Variants in SGK3 observed in about 807,000 individuals in gnomAD.
SGK3 encodes the protein serine/threonine-protein kinase Sgk3.
In SGK3, 47 loss-of-function variants were observed where a neutral mutation model predicts 68.5. The ratio of observed to expected loss-of-function variants is 0.69; its 90% CI spans 0.54 to 0.87. The LOEUF is 0.87. Ranked by LOEUF, SGK3 falls within the 40% of genes least tolerant of loss-of-function variation. The pLI is 0.00. For synonymous variants in SGK3, 181 were observed against 189.1 expected, an observed-to-expected ratio of 0.96 and a Z score of 0.35; for missense variants, 479 against 575.5, an observed-to-expected ratio of 0.83 and a Z score of 1.72.
chr8:66,738,863 C>T (rs1443659795), intron 1 of SGK3, among the ~76,000 whole-genome samples: 7 of 152,182 alleles, frequency 4.6e-5, no homozygotes, highest in Non-Finnish European at 1.0e-4. Flanking sequence ...ATCTTCTGGC[C>T]TCGTGATCTG....
Position 66,758,936 on chromosome 8 carries a change from C to T in SGK3, c.-121-34680C>T, listed in dbSNP as rs183776382. ...CAGCTTAAAGCAACAAAAATTTATTCTGTTACAGTTCTGGAGGCTGGAAAT... is the reference window on the plus strand; with the variant it reads ...CAGCTTAAAGCAACAAAAATTTATTTTGTTACAGTTCTGGAGGCTGGAAAT... On this transcript the variant is annotated intron_variant, in intron 1 of 16. Transcript: ENST00000521198. Among the ~76,000 whole-genome samples, 8 of 152,256 alleles carry T rather than the reference C, an allele frequency of 5.3e-5. No homozygotes were observed. The East Asian group carries it at 9.6e-4, about 18-fold the overall frequency.
At chr8:66,840,155 A>C in intron 11 of SGK3, 40 bp downstream of exon 11, 1 of 1,599,414 alleles carries the variant, frequency 6.3e-7, no homozygotes, top group Non-Finnish European at 8.5e-7. Flanking sequence ...TGTATATAAC[A>C]ATATTTTATT....
At chr8:66,768,808 G>A (rs1028547759) in intron 1 of SGK3, among the ~76,000 whole-genome samples, 1 of 152,090 alleles carries the variant, frequency 6.6e-6, no homozygotes, top group Non-Finnish European at 1.5e-5. Flanking sequence ...CAAGTGATCT[G>A]CCCGTTGCCC....
chr8:66,816,675 G>A lies in SGK3; in HGVS notation c.329+2747G>A, dbSNP rs559003304. ...TCCTATTTTCTAGATCTTTTCTGCT[G>A]TTGACAGAATTTTAATTTTCACGCT... On this transcript the variant is annotated intron_variant, in intron 5 of 16. Coordinates refer to ENST00000521198, the MANE Select transcript of SGK3 (RefSeq NM_001033578.3). Among the ~76,000 whole-genome samples the A allele has an allele frequency of 2.0e-5, 3 of 152,038 alleles. No homozygotes were observed. The South Asian group carries it at 6.2e-4, about 32-fold the overall frequency.
intron 1 of SGK3, among the ~76,000 whole-genome samples, chr8:66,736,327 A>G (rs2130382304): frequency 6.6e-6 from 1 of 152,314 alleles, no homozygotes; most frequent in Non-Finnish European, 1.5e-5. Flanking sequence ...TACATAACAT[A>G]TACATTGTAT....
chr8:66,782,933 A>G (rs1038356004), intron 1 of SGK3, among the ~76,000 whole-genome samples: 8 of 152,382 alleles, frequency 5.2e-5, no homozygotes, highest in East Asian at 1.9e-4. Context: ...TAAAGTTGCT[A>G]GAGACATCCA....
At chr8:66,857,134 A>G (rs888523089) in intron 16 of SGK3, among the ~76,000 whole-genome samples, 1 of 152,186 alleles carries the variant, frequency 6.6e-6, no homozygotes, top group East Asian at 1.9e-4. Flanking sequence ...CCAGAATCCA[A>G]GAGCCCATGC....
intron 1 of SGK3, among the ~76,000 whole-genome samples, chr8:66,750,608 G>C (rs1012436293): frequency 6.6e-6 from 1 of 151,482 alleles, no homozygotes; most frequent in African/African-American, 2.4e-5. Context: ...AGAATCACTT[G>C]AACCTGGGAG....
At chr8:66,814,276 G>A (rs560505752) in intron 5 of SGK3, among the ~76,000 whole-genome samples, 23 of 152,136 alleles carry the variant, frequency 1.5e-4, no homozygotes, top group Admixed American at 1.1e-3. Flanking sequence ...GCTAAGTGTC[G>A]TCCCTACCGT....
At chr8:66,749,963 G>T (rs1563608619) in intron 1 of SGK3, among the ~76,000 whole-genome samples, 1 of 149,498 alleles carries the variant, frequency 6.7e-6, no homozygotes, top group African/African-American at 2.5e-5. Flanking sequence ...GTGTGTGTGT[G>T]TGTATGTGTG....
At chr8:66,742,983 A>G (rs1299223803) in intron 1 of SGK3, among the ~76,000 whole-genome samples, 1 of 152,010 alleles carries the variant, frequency 6.6e-6, no homozygotes, top group Non-Finnish European at 1.5e-5. Flanking sequence ...TTCACCTGTA[A>G]CAGCCTTTTT....
chr8:66,802,494 G>A, intron 3 of SGK3, among the ~76,000 whole-genome samples: 1 of 151,980 alleles, frequency 6.6e-6, no homozygotes, highest in Non-Finnish European at 1.5e-5. Context: ...TTCAAGACCA[G>A]CCCGGGCAAT....
chr8:66,744,533 T>G (rs1563605849), intron 1 of SGK3, among the ~76,000 whole-genome samples: 5 of 122,974 alleles, frequency 4.1e-5, no homozygotes, highest in African/African-American at 1.2e-4. Context: ...TTTTTTTTTT[T>G]TTTTTTTTTT....
rs946106192 is a variant in SGK3 at position 66,847,580 on chromosome 8, G to A, written c.1230+232G>A. 7.9e-5 allele frequency among the ~76,000 whole-genome samples: 12 copies of A among 151,904 alleles called. No individual in the cohort carries two copies. In the East Asian group the frequency reaches 1.2e-3, roughly 15 times the overall value. Reference sequence around the variant, plus strand: ...TGCCCTATCCACCACATACACTTTCGCACCCTATTATTTACTTGATTTTCA... The same window carrying A: ...TGCCCTATCCACCACATACACTTTCACACCCTATTATTTACTTGATTTTCA... On this transcript the variant is annotated intron_variant, in intron 15 of 16. Coordinates refer to ENST00000521198, the MANE Select transcript of SGK3 (RefSeq NM_001033578.3).
intron 1 of SGK3, among the ~76,000 whole-genome samples, chr8:66,778,654 G>T (rs1329068207): frequency 3.9e-5 from 6 of 152,126 alleles, no homozygotes; most frequent in African/African-American, 1.4e-4. Flanking sequence ...CCTTTAAATC[G>T]TTAAATATTG....
rs539452041 is a variant in SGK3, at chr8:66,850,362, G to C, written c.1231-469G>C. Among the ~76,000 whole-genome samples the C allele has an allele frequency of 3.3e-5, 5 of 152,240 alleles. No individual in the cohort carries two copies. The South Asian group carries it at 1.0e-3, about 32-fold the overall frequency. On this transcript the variant is annotated intron_variant, in intron 15 of 16. Transcript: ENST00000521198. ...GTTTGGTAATACCAACCCTGAGTGGGATATTTTTTTATTAGTAGAACTCAT... is the reference window on the plus strand; with the variant it reads ...GTTTGGTAATACCAACCCTGAGTGGCATATTTTTTTATTAGTAGAACTCAT...
chr8:66,758,174 C>T (rs62512656), intron 1 of SGK3, among the ~76,000 whole-genome samples: 14 of 151,530 alleles, frequency 9.2e-5, no homozygotes, highest in South Asian at 6.2e-4. Context: ...ACCAACATGG[C>T]GAAACCCTGT....
intron 15 of SGK3, among the ~76,000 whole-genome samples, chr8:66,849,593 A>AT (rs755457958): frequency 0.072 from 8,805 of 122,764 alleles, 371 homozygotes; most frequent in African/African-American, 0.11. Context: ...TTGGGGGAAT[A>AT]TTTTTTTTTT....
At chr8:66,791,361 C>T (rs1038660276) in intron 1 of SGK3, among the ~76,000 whole-genome samples, 4 of 152,042 alleles carry the variant, frequency 2.6e-5, no homozygotes, top group African/African-American at 4.8e-5. Flanking sequence ...GAAAGAGTGG[C>T]GTTTGGGTCT....
Sources: gnomAD v4.1 joint callset for allele counts (sites outside exome capture counted in the v4.1 genomes callset) on GRCh38, gnomAD v4.1.1 for gene constraint, MANE v1.5 for transcripts, NCBI Gene and HGNC (gene_info 2026-07-23, HGNC 2026-07-21) for gene names.